The following ZNF850 variants were observed in gnomAD, a reference collection of about 807,000 sequenced individuals.
The protein encoded by ZNF850 is putative zinc finger protein ENSP00000330994.
Under a neutral mutation model 11.9 loss-of-function variants are expected in ZNF850, and 2 were observed. The observed-to-expected ratio is 0.17, with a 90% CI of 0.07 to 0.53. The LOEUF is 0.53. ZNF850 is among the 20% of genes least tolerant of loss of function. ZNF850 has a pLI of 0.94. For synonymous variants in ZNF850, 381 were observed against 443.0 expected (o/e 0.86, Z 1.76); for missense variants, 1,014 against 1,316.4 (o/e 0.77, Z 3.55).
At chr19:36,771,602 AG>A (rs1333692061) in intron 1 of ZNF850, among the ~76,000 whole-genome samples, 3 of 151,836 alleles carry the variant, frequency 2.0e-5, no homozygotes, top group Admixed American at 1.3e-4. Context: ...GGGACCAATC[AG>A]GGGCTGAAGT....
chr19:36,770,976 G>T (rs2040578319), intron 1 of ZNF850, among the ~76,000 whole-genome samples: 1 of 152,088 alleles, frequency 6.6e-6, no homozygotes, highest in Non-Finnish European at 1.5e-5. Context: ...CAAAGTGAAA[G>T]ATCTTATCAC....
At position 36,750,041 on chromosome 19, in the gene ZNF850, A is replaced by G. The variant is rs1314400935; in HGVS notation, c.999T>C (p.Gly333=). 6.5e-7 allele frequency: 1 copy of G among 1,541,732 alleles called. No homozygotes were observed. Among genetic ancestry groups the G allele is most frequent in the Non-Finnish European group, 8.7e-7 (1 of 1,147,630 alleles). Residue 333 remains glycine, a synonymous_variant, in exon 5 of 5, where the codon GGT becomes GGC. Transcript: ENST00000591344. ...ATTCCTTACAATCATACGGTTTCTCACCAGTGTGAATTTGCTGGTGTCGAA... is the reference window on the plus strand; with the variant it reads ...ATTCCTTACAATCATACGGTTTCTCGCCAGTGTGAATTTGCTGGTGTCGAA... ...TLIRHQQIHT[G]EKPYDCKECG...
chr19:36,767,167 G>A (rs2040554021), intron 1 of ZNF850, among the ~76,000 whole-genome samples: 1 of 151,986 alleles, frequency 6.6e-6, no homozygotes, highest in African/African-American at 2.4e-5. Flanking sequence ...AGCATGGGAG[G>A]CAGAGGTTAC....
At chr19:36,757,529 C>CA (rs2040494027) in intron 4 of ZNF850, among the ~76,000 whole-genome samples, 1 of 111,802 alleles carries the variant, frequency 8.9e-6, no homozygotes. Flanking sequence ...TTTTTTGAGA[C>CA]AGAGTCTTGC....
At position 36,749,562 on chromosome 19, in the gene ZNF850, T is replaced by C. The variant is rs879028080; in HGVS notation, c.1478A>G (p.Asn493Ser). 16 of 1,504,130 alleles carry C rather than the reference T, an allele frequency of 1.1e-5. No individual in the cohort carries two copies. The highest frequency in any genetic ancestry group is 8.5e-5 in the Admixed American group (4 of 47,054). The allele number at this position is 1,504,130 out of a possible 1,614,324, so 93.2% of individuals were successfully genotyped here. Residue 493 changes from asparagine to serine, a missense_variant, in exon 5 of 5, where the codon AAT (asparagine) becomes AGT (serine). Transcript: ENST00000591344. ...GKSFTFRSTR[N>S]RHQRIHTGEK... ...ACCAGTGTGGATTCGCTGGTGTCGATTGCGTGTTGAGCGAAAAGTAAAAGA... is the reference window on the plus strand; with the variant it reads ...ACCAGTGTGGATTCGCTGGTGTCGACTGCGTGTTGAGCGAAAAGTAAAAGA...
chr19:36,749,142 G>A lies in ZNF850; in HGVS notation c.1898C>T (p.Thr633Ile), dbSNP rs964244679. 1.3e-6 allele frequency: 2 copies of A among 1,599,702 alleles called. No homozygotes were observed. Among genetic ancestry groups the A allele is most frequent in the East Asian group, 2.3e-5 (1 of 44,214 alleles). Residue 633 changes from threonine (T) to isoleucine (I), a missense_variant, in exon 5 of 5, where the codon ACT (threonine) becomes ATT (isoleucine). By Grantham distance (89) the Thr-to-Ile change is moderately conservative (BLOSUM62 -1). Transcript: ENST00000591344. ...GKAFRLRLRL[T>I]QHQQIHTGEK... ...ACCAGTATGGATTTGTTGATGTTGA[G>A]TAAGTCGTAAACGAAGTCTAAAGGC...
At chr19:36,772,529 CACA>C (rs1373834979) in intron 1 of ZNF850, among the ~76,000 whole-genome samples, 193 bp downstream of exon 1, 1 of 152,104 alleles carries the variant, frequency 6.6e-6, no homozygotes, top group Non-Finnish European at 1.5e-5. Context: ...CATCCGCACG[CACA>C]ACGAGGGTCG....
At chr19:36,759,829 A>G (rs1334033167) in intron 4 of ZNF850, among the ~76,000 whole-genome samples, 2 of 152,242 alleles carry the variant, frequency 1.3e-5, no homozygotes, top group African/African-American at 4.8e-5. Flanking sequence ...TTAAAAGCAC[A>G]TTTTGAAAAA....
Position 36,762,350 on chromosome 19 carries a change from A to C in ZNF850, c.94T>G (p.Tyr32Asp). ...ECLDAAQKDL[Y>D]RDVMMENYSS... ...TAGTTCTCCATCATTACATCTCTGT[A>C]TAAGTCCTTCTGAGCAGCGTCCAGG... Residue 32 changes from tyrosine to aspartate, a missense_variant, in exon 3 of 5, where the codon TAC becomes GAC. Physicochemically the swap from Tyr to Asp is radical, Grantham distance 160. Transcript: ENST00000591344. 1 of 1,589,814 alleles carries C rather than the reference A, an allele frequency of 6.3e-7. No homozygotes were observed. Among genetic ancestry groups the C allele is most frequent in the African/African-American group, 1.3e-5 (1 of 74,792 alleles).
At chr19:36,767,998 C>T (rs767350779) in intron 1 of ZNF850, among the ~76,000 whole-genome samples, 2 of 152,160 alleles carry the variant, frequency 1.3e-5, no homozygotes, top group Admixed American at 6.5e-5. Flanking sequence ...CAGTGGCTTA[C>T]GCCTATAATC....
chr19:36,755,698 A>C lies in ZNF850; in HGVS notation c.236-4894T>G, dbSNP rs372817058. Among the ~76,000 whole-genome samples the C allele has an allele frequency of 1.2e-3, 186 of 151,730 alleles. 1 individual carries two copies. The highest frequency in any genetic ancestry group is 6.5e-3 in the Admixed American group (99 of 15,206). ...AAGAGAGAGCACTTCGCAATAAAAAAAAAAAACAAAAAACAAAAAAACTAA... is the reference window on the plus strand; with the variant it reads ...AAGAGAGAGCACTTCGCAATAAAAACAAAAAACAAAAAACAAAAAAACTAA... On this transcript the variant is annotated intron_variant, in intron 4 of 4. Coordinates refer to ENST00000591344, the MANE Select transcript of ZNF850 (RefSeq NM_001193552.2).
rs398038336 is a variant in ZNF850 at position 36,751,698 on chromosome 19, C to CAAAAAAAA, written c.236-902_236-895dup. On this transcript the variant is annotated intron_variant, in intron 4 of 4. Transcript: ENST00000591344. ...AGGCAACAAAAACCAGACTCCATCT[C>CAAAAAAAA]AAAAAAAAAAAAAAAAAAAAAAAAA... Among the ~76,000 whole-genome samples the CAAAAAAAA allele has an allele frequency of 7.0e-4, 11 of 15,766 alleles. 3 individuals carry two copies. Among genetic ancestry groups the CAAAAAAAA allele is most frequent in the Non-Finnish European group, 8.7e-4 (8 of 9,188 alleles). The allele number at this position is 15,766 out of a possible 152,430, so 10.3% of individuals were successfully genotyped here. A position where few individuals can be genotyped will look rare whatever the true frequency, so the allele number is the denominator to read the frequency against.
intron 4 of ZNF850, among the ~76,000 whole-genome samples, chr19:36,755,121 T>C (rs193290119): frequency 6.6e-6 from 1 of 152,292 alleles, no homozygotes; most frequent in East Asian, 1.9e-4. Flanking sequence ...ATATTGACTA[T>C]AGTGCAATTA....
In ZNF850 at chr19:36,748,532, A is replaced by G. The variant is rs770244370; in HGVS notation, c.2508T>C (p.Thr836=). 2 of 1,537,636 alleles carry G rather than the reference A, an allele frequency of 1.3e-6. No homozygotes were observed. The highest frequency in any genetic ancestry group is 1.2e-5 in the South Asian group (1 of 84,072). Residue 836 remains threonine (T), a synonymous_variant, in exon 5 of 5, where the codon ACT becomes ACC. Transcript: ENST00000591344. Reference sequence around the variant, plus strand: ...CTTTACAACTGTAGCGTTTCTCACCAGTGTGAACTGGCCGATGTTGAATTA... The same window carrying G: ...CTTTACAACTGTAGCGTTTCTCACCGGTGTGAACTGGCCGATGTTGAATTA... ...SALIQHRPVH[T]GEKRYSCKEC...
chr19:36,770,372 C>T (rs2145971666), intron 1 of ZNF850, among the ~76,000 whole-genome samples: 1 of 152,270 alleles, frequency 6.6e-6, no homozygotes, highest in East Asian at 1.9e-4. Flanking sequence ...TGACCAGCCC[C>T]CATCCTGAAG....
chr19:36,749,066 T>A lies in ZNF850; in HGVS notation c.1974A>T (p.Ser658=), dbSNP rs779448325. 4 of 1,605,432 alleles carry A rather than the reference T, an allele frequency of 2.5e-6. No individual in the cohort carries two copies. The East Asian group carries it at 9.0e-5, about 36-fold the overall frequency. ...GAATTCTGTGATGTTGGGTGAGTCC[T>A]GAGACACTGACAAAGGCTTTCCCAC... ...QECGKAFVSV[S]GLTQHHRIHT... Residue 658 remains serine (S), a synonymous_variant, in exon 5 of 5, where the codon TCA becomes TCT. Transcript: ENST00000591344.
chr19:36,748,112 G>A lies in ZNF850; in HGVS notation c.2928C>T (p.Thr976=), dbSNP rs752726324. ...THLTLHQRIH[T]GDRPYECKEC... ...CTTTACATTCATAAGGTCTGTCACC[G>A]GTATGAATTCTCTGATGTAGAGTAA... The change falls in exon 5 of 5, where the codon ACC becomes ACT. Residue 976 remains threonine, a synonymous_variant. Transcript: ENST00000591344. The A allele has an allele frequency of 5.9e-5, 92 of 1,548,394 alleles. 1 individual carries two copies. The highest frequency in any genetic ancestry group is 4.7e-4 in the Admixed American group (24 of 50,938).
chr19:36,756,579 C>T (rs529785545), intron 4 of ZNF850, among the ~76,000 whole-genome samples: 1 of 152,286 alleles, frequency 6.6e-6, no homozygotes, highest in South Asian at 2.1e-4. Context: ...TGAATAGCTG[C>T]ATAATATCCC....
intron 4 of ZNF850, among the ~76,000 whole-genome samples, chr19:36,760,971 A>C (rs973692514): frequency 1.3e-5 from 2 of 152,202 alleles, no homozygotes; most frequent in Non-Finnish European, 2.9e-5. Flanking sequence ...ATGAAAAATA[A>C]ATATATTTTG....
Sources: gnomAD v4.1 joint callset for allele counts (sites outside exome capture counted in the v4.1 genomes callset) on GRCh38, gnomAD v4.1.1 for gene constraint, MANE v1.5 for transcripts, NCBI Gene and HGNC (gene_info 2026-07-23, HGNC 2026-07-21) for gene names.